UTP20: variants seen among roughly 807,000 people sequenced by gnomAD.
The protein encoded by UTP20 is UTP20 small subunit processome component.
UTP20 carries 164 observed loss-of-function variants against 329.5 expected under a neutral mutation model. The ratio of observed to expected loss-of-function variants is 0.50; its 90% CI spans 0.44 to 0.57. The LOEUF (loss-of-function observed/expected upper bound fraction) is 0.57. Ranked by LOEUF, UTP20 falls within the 20% of genes least tolerant of loss-of-function variation. The probability of loss-of-function intolerance (pLI) is 0.00; values close to 1 mark genes in which losing one functional copy is unlikely to be tolerated. For missense variants in UTP20, 3,055 were observed against 3,284.2 expected (o/e 0.93, Z 1.71); for synonymous variants, 1,151 against 1,159.3 (o/e 0.99, Z 0.14).
chr12:101,344,717 G>A lies in UTP20; in HGVS notation c.4572G>A (p.Glu1524=). The change falls in exon 36 of 62, where the codon GAG becomes GAA. Residue 1524 remains glutamate (E), a synonymous_variant. Transcript: ENST00000261637. ...AAATCATCCACCGTTCACTCCTGGA[G>A]AAATTGAGAAAAGGTCTGAAGAGCC... The part of the protein sequence containing the change: ...YREIIHRSLL[E]KLRKGLKSQT... 1 of 1,613,920 alleles carries A rather than the reference G, an allele frequency of 6.2e-7. No individual in the cohort carries two copies. The highest frequency in any genetic ancestry group is 8.5e-7 in the Non-Finnish European group (1 of 1,179,874).
Position 101,386,372 on chromosome 12 carries a change from A to C in UTP20, c.*249A>C, listed in dbSNP as rs541532259. Reference sequence around the variant, plus strand: ...CTAGGCACACAACACTATGCCCGGCAAATTTTTTGTATTTTGTATTTTTTG... The same window carrying C: ...CTAGGCACACAACACTATGCCCGGCCAATTTTTTGTATTTTGTATTTTTTG... On this transcript the variant is annotated 3_prime_UTR_variant, in exon 62 of 62. Transcript: ENST00000261637. 258 of 313,584 alleles carry C rather than the reference A, an allele frequency of 8.2e-4. No homozygotes were observed. The highest frequency in any genetic ancestry group is 1.7e-3 in the Admixed American group (33 of 19,780). 19.4% of individuals were successfully genotyped at this position (313,584 alleles called of 1,614,324 possible). A position where few individuals can be genotyped will look rare whatever the true frequency, so the allele number is the denominator to read the frequency against.
At chr12:101,384,195 C>A (rs7296413) in intron 60 of UTP20, among the ~76,000 whole-genome samples, 4,512 of 152,228 alleles carry the variant, frequency 0.03, 208 homozygotes, top group African/African-American at 0.092. Flanking sequence ...TAGTTTTAAA[C>A]CTCATAGCAC....
chr12:101,307,799 T>C (rs1285671034), intron 17 of UTP20, among the ~76,000 whole-genome samples: 1 of 152,228 alleles, frequency 6.6e-6, no homozygotes, highest in Non-Finnish European at 1.5e-5. Flanking sequence ...TTTCAAACAA[T>C]ACTGCAGTGA....
At position 101,329,419 on chromosome 12, in the gene UTP20, C is replaced by T. The variant is rs74363467; in HGVS notation, c.3387C>T (p.Thr1129=). The T allele has an allele frequency of 0.017, 27,075 of 1,613,424 alleles. 463 individuals carry two copies. The highest frequency in any genetic ancestry group is 0.082 in the East Asian group (3,684 of 44,818). Residue 1129 remains threonine (T), a synonymous_variant, in exon 27 of 62, where the codon ACC becomes ACT. Transcript: ENST00000261637. ...ILQILLCMTA[T]VSHILDQREK... ...AGATACTGCTCTGTATGACAGCAAC[C>T]GTATCACACATCCTTGACCAACGAG... is the stretch of plus-strand genomic sequence containing the variant.
chr12:101,384,578 A>G (rs1320600740), intron 60 of UTP20, among the ~76,000 whole-genome samples: 3 of 152,216 alleles, frequency 2.0e-5, no homozygotes, highest in African/African-American at 7.2e-5. Context: ...AAGTATTATC[A>G]TTTTTATATG....
intron 8 of UTP20, 188 bp downstream of exon 8, chr12:101,291,076 GA>G (rs772458681): frequency 9.7e-6 from 5 of 516,394 alleles, no homozygotes; most frequent in Admixed American, 4.0e-5. Context: ...ATGTTATCTT[GA>G]GATGCAGTAG....
intron 5 of UTP20, 105 bp downstream of exon 5, chr12:101,286,614 C>A: frequency 3.1e-6 from 3 of 959,672 alleles, no homozygotes; most frequent in Non-Finnish European, 2.9e-6. Context: ...TAATTGTTTC[C>A]ATGTACAAAG....
At chr12:101,351,119 G>A (rs1565801489) in intron 38 of UTP20, among the ~76,000 whole-genome samples, 1 of 148,666 alleles carries the variant, frequency 6.7e-6, no homozygotes, top group African/African-American at 2.5e-5. Context: ...GGAAACTGTC[G>A]TTTCATGCAT....
chr12:101,318,082 C>G (rs1565792416), intron 22 of UTP20, among the ~76,000 whole-genome samples: 1 of 152,066 alleles, frequency 6.6e-6, no homozygotes, highest in Non-Finnish European at 1.5e-5. Flanking sequence ...TTTCCTTCCA[C>G]CCACCTTCCC....
intron 40 of UTP20, among the ~76,000 whole-genome samples, chr12:101,354,280 A>AAAAAAAG (rs1555201665): frequency 7.5e-6 from 1 of 134,114 alleles, no homozygotes; most frequent in African/African-American, 3.5e-5. Context: ...AAAAAAAAAA[A>AAAAAAAG]AAAAGAAAAG....
chr12:101,342,107 TG>T (rs1207367532), intron 32 of UTP20, among the ~76,000 whole-genome samples: 3 of 152,100 alleles, frequency 2.0e-5, no homozygotes, highest in African/African-American at 7.2e-5. Context: ...TGGTATTTTT[TG>T]GGGTCCTGGA....
chr12:101,309,871 A>T, intron 19 of UTP20, 32 bp downstream of exon 19: 1 of 1,583,536 alleles, frequency 6.3e-7, no homozygotes, highest in Non-Finnish European at 8.7e-7. Flanking sequence ...TGAAACTATT[A>T]TACTTTAACT....
intron 61 of UTP20, 53 bp from the exon 62 acceptor site, chr12:101,385,914 AT>A: frequency 6.8e-7 from 1 of 1,474,552 alleles, no homozygotes; most frequent in South Asian, 1.3e-5. Flanking sequence ...TTTGATTCTT[AT>A]TGGTTTAACA....
chr12:101,286,453 A>T lies in UTP20; in HGVS notation c.459A>T (p.Ser153=). 3 of 1,613,974 alleles carry T rather than the reference A, an allele frequency of 1.9e-6. No individual in the cohort carries two copies. Among genetic ancestry groups the T allele is most frequent in the Non-Finnish European group, 2.5e-6 (3 of 1,179,934 alleles). ...ELLEWAFTSL[S]YLYKYLWRLM... ...TAGAATGGGCTTTCACCTCGTTATC[A>T]TATCTTTATAAGTACCTGTGGAGAC... The change falls in exon 5 of 62, where the codon TCA becomes TCT. Residue 153 remains serine, a synonymous_variant. Transcript: ENST00000261637.
intron 5 of UTP20, 72 bp from the exon 6 acceptor site, chr12:101,288,888 T>C: frequency 7.5e-7 from 1 of 1,335,828 alleles, no homozygotes; most frequent in Non-Finnish European, 1.0e-6. Context: ...GTTGCCCATA[T>C]TGTTGACATG....
At chr12:101,380,925 AG>A (rs1476424586) in intron 57 of UTP20, among the ~76,000 whole-genome samples, 2 of 151,918 alleles carry the variant, frequency 1.3e-5, no homozygotes, top group East Asian at 3.8e-4. Flanking sequence ...AAAATGTGAA[AG>A]TATCCCATTT....
chr12:101,378,092 A>C (rs1464267364), intron 56 of UTP20, among the ~76,000 whole-genome samples: 1 of 152,172 alleles, frequency 6.6e-6, no homozygotes, highest in Non-Finnish European at 1.5e-5. Context: ...TGTATGGAGA[A>C]TGGCCACGTA....
Position 101,356,765 on chromosome 12 carries a change from T to C in UTP20, c.5534+72T>C. On this transcript the variant is annotated intron_variant, in intron 42 of 61. Transcript: ENST00000261637. ...TTCTTTTCTTCCTTACTTTTGAGTC[T>C]CTTTTGTCAGGAAGAGGAAAAAGTA... 3.9e-6 allele frequency: 6 copies of C among 1,541,252 alleles called. 1 individual carries two copies. The South Asian group carries it at 7.5e-5, about 19-fold the overall frequency.
intron 35 of UTP20, 74 bp from the exon 36 acceptor site, chr12:101,344,521 T>A: frequency 1.3e-6 from 1 of 775,804 alleles, no homozygotes. Context: ...TTGTAGATGC[T>A]TGCACTGGGA....
Sources: allele counts gnomAD v4.1 joint callset (sites outside exome capture counted in the v4.1 genomes callset), GRCh38; gene constraint gnomAD v4.1.1; transcripts MANE v1.5; gene names NCBI Gene and HGNC (gene_info 2026-07-23, HGNC 2026-07-21).